Variants in UNC79 observed in about 807,000 individuals in gnomAD.
UNC79 encodes protein unc-79 homolog.
UNC79 carries 37 observed loss-of-function variants against 283.1 expected under a neutral mutation model. The ratio of observed to expected loss-of-function variants is 0.13; its 90% CI spans 0.10 to 0.17. The LOEUF is 0.17. Ranked by LOEUF, UNC79 falls within the 10% of genes least tolerant of loss-of-function variation. The pLI is 1.00. For missense variants in UNC79, 2,272 were observed against 3,211.1 expected, an observed-to-expected ratio of 0.71 and a Z score of 7.07; for synonymous variants, 1,107 against 1,200.2, an observed-to-expected ratio of 0.92 and a Z score of 1.61.
chr14:93,630,874 T>C, exon 31 of UNC79: 1 of 1,614,090 alleles, frequency 6.2e-7, no homozygotes, highest in South Asian at 1.1e-5. Flanking sequence ...TAGATGCAGG[T>C]GTGCCGGAAA....
chr14:93,417,332 G>C (rs1029881537), intron 1 of UNC79, among the ~76,000 whole-genome samples: 1 of 152,122 alleles, frequency 6.6e-6, no homozygotes, highest in African/African-American at 2.4e-5. Context: ...TTTTCTTTAA[G>C]AATGTTGAAT....
intron 40 of UNC79, among the ~76,000 whole-genome samples, chr14:93,672,916 C>A (rs1222916956): frequency 6.6e-6 from 1 of 152,196 alleles, no homozygotes; most frequent in East Asian, 1.9e-4. Flanking sequence ...CCATTCTCTC[C>A]ATTTTTCTGG....
At position 93,441,704 on chromosome 14, in the gene UNC79, A is replaced by G. The variant is rs143986840; in HGVS notation, c.22+10653A>G. On this transcript the variant is annotated intron_variant, in intron 1 of 48. Transcript: ENST00000555664. ...TATACAATAGTGTCATTTTGTTTACAATTAATACCCATTAGACAATCATAT... is the reference window on the plus strand; with the variant it reads ...TATACAATAGTGTCATTTTGTTTACGATTAATACCCATTAGACAATCATAT... 9.3e-3 allele frequency among the ~76,000 whole-genome samples: 1,417 copies of G among 152,248 alleles called. 8 individuals are homozygous for G. The highest frequency in any genetic ancestry group is 0.041 in the Middle Eastern group (12 of 294).
chr14:93,699,340 ATT>A (rs2075370285), intron 47 of UNC79, among the ~76,000 whole-genome samples: 1 of 152,088 alleles, frequency 6.6e-6, no homozygotes, highest in Non-Finnish European at 1.5e-5. Flanking sequence ...TCTTTGTCTA[ATT>A]AAGATAAACT....
chr14:93,493,901 A>ATATATTTT (rs1251701550), intron 5 of UNC79, among the ~76,000 whole-genome samples: 18 of 49,246 alleles, frequency 3.7e-4, no homozygotes, highest in East Asian at 1.5e-3. Context: ...ATATATATAT[A>ATATATTTT]TTTTTTTTTT....
intron 11 of UNC79, 78 bp downstream of exon 11, chr14:93,532,656 A>G: frequency 6.4e-7 from 1 of 1,570,404 alleles, no homozygotes; most frequent in Non-Finnish European, 8.7e-7. Context: ...CATCTGCCTC[A>G]TTTCTGCACC....
chr14:93,471,154 T>C (rs1258393120), intron 2 of UNC79, among the ~76,000 whole-genome samples: 1 of 152,204 alleles, frequency 6.6e-6, no homozygotes, highest in Non-Finnish European at 1.5e-5. Context: ...TCCAGTTGCT[T>C]AGGAAGAATA....
chr14:93,389,653 CT>C (rs149054590), intron 1 of UNC79, among the ~76,000 whole-genome samples: 16,851 of 135,746 alleles, frequency 0.12, 1,117 homozygotes, highest in Middle Eastern at 0.23. Context: ...AAAGTGGGAG[CT>C]TTTTTTTTTT....
chr14:93,597,463 G>A, exon 24 of UNC79: 1 of 1,614,170 alleles, frequency 6.2e-7, no homozygotes, highest in South Asian at 1.1e-5. Context: ...CTTCCTGACA[G>A]CAGTGGAGGA....
chr14:93,476,629 A>G (rs753555744), intron 3 of UNC79, among the ~76,000 whole-genome samples: 4 of 152,226 alleles, frequency 2.6e-5, no homozygotes, highest in Non-Finnish European at 4.4e-5. Flanking sequence ...TGCAAAACAA[A>G]GAAGAGTCTA....
chr14:93,616,672 T>C (rs2139840389), intron 27 of UNC79, among the ~76,000 whole-genome samples: 1 of 152,274 alleles, frequency 6.6e-6, no homozygotes, highest in Non-Finnish European at 1.5e-5. Context: ...ATGTGCTTTT[T>C]CTTATTCCTG....
intron 7 of UNC79, among the ~76,000 whole-genome samples, chr14:93,503,245 T>C (rs1350605116): frequency 6.6e-6 from 1 of 152,208 alleles, no homozygotes; most frequent in Non-Finnish European, 1.5e-5. Flanking sequence ...CTTTGTTTTT[T>C]TATTGCTGTG....
chr14:93,444,321 C>T (rs2056401373), intron 1 of UNC79, among the ~76,000 whole-genome samples: 2 of 151,924 alleles, frequency 1.3e-5, no homozygotes, highest in Non-Finnish European at 2.9e-5. Context: ...CTTAAGGGTT[C>T]TTTATATATT....
intron 1 of UNC79, among the ~76,000 whole-genome samples, chr14:93,340,336 G>A (rs2053677297): frequency 6.6e-6 from 1 of 151,844 alleles, no homozygotes; most frequent in Non-Finnish European, 1.5e-5. Context: ...CAGCTACTCG[G>A]GAGGCTGAGG....
intron 7 of UNC79, among the ~76,000 whole-genome samples, chr14:93,521,756 A>T (rs2060330450): frequency 6.7e-6 from 1 of 149,166 alleles, no homozygotes; most frequent in African/African-American, 2.5e-5. Context: ...CTGTGTTTTT[A>T]TGCTATCTTT....
intron 14 of UNC79, among the ~76,000 whole-genome samples, chr14:93,561,789 G>C (rs1595875331): frequency 6.6e-6 from 1 of 152,306 alleles, no homozygotes; most frequent in Non-Finnish European, 1.5e-5. Context: ...ATAGCACCAG[G>C]AGATATCAGC....
chr14:93,423,110 T>C (rs1448952091), intron 1 of UNC79, among the ~76,000 whole-genome samples: 3 of 140,860 alleles, frequency 2.1e-5, no homozygotes, highest in African/African-American at 8.2e-5. Flanking sequence ...GTCAAGAAAG[T>C]AATGCCATTT....
chr14:93,607,046 TTTCATCCTAATTGATGGGATACAC>T (rs2065935579), intron 26 of UNC79, among the ~76,000 whole-genome samples: 1 of 152,192 alleles, frequency 6.6e-6, no homozygotes, highest in Non-Finnish European at 1.5e-5. Flanking sequence ...AGCACCTTCA[TTTCATCCTAATTGATGGGATACAC>T]AATCTTTTTA....
At chr14:93,676,763 G>A (rs906891529) in intron 41 of UNC79, among the ~76,000 whole-genome samples, 5 of 152,110 alleles carry the variant, frequency 3.3e-5, no homozygotes, top group Non-Finnish European at 5.9e-5. Flanking sequence ...CAGTGCTTAA[G>A]GAAACCACAA....
Sources: gnomAD v4.1 joint callset for allele counts (sites outside exome capture counted in the v4.1 genomes callset) on GRCh38, gnomAD v4.1.1 for gene constraint, MANE v1.5 for transcripts, NCBI Gene and HGNC (gene_info 2026-07-23, HGNC 2026-07-21) for gene names.